The following PCDH9 variants were observed in gnomAD, a reference collection of about 807,000 sequenced individuals.
PCDH9 encodes the protein protocadherin-9.
A neutral mutation model predicts 70.6 loss-of-function variants in PCDH9; 24 were observed. The observed-to-expected ratio is 0.34, with a 90% CI of 0.25 to 0.48. The LOEUF (loss-of-function observed/expected upper bound fraction) is 0.48, where lower values mean the gene tolerates loss of function less well. PCDH9 is among the 20% of genes least tolerant of loss of function. PCDH9 has a pLI of 0.99. For synonymous variants in PCDH9, 562 were observed against 558.5 expected (o/e 1.01, Z -0.09); for missense variants, 1,281 against 1,503.6 (o/e 0.85, Z 2.45).
intron 3 of PCDH9, among the ~76,000 whole-genome samples, chr13:66,808,912 C>A (rs2080453336): frequency 6.6e-6 from 1 of 152,114 alleles, no homozygotes; most frequent in African/African-American, 2.4e-5. Context: ...TGAGAAGCCC[C>A]ACTAAAGGTA....
At chr13:67,078,045 C>G (rs917769913) in intron 2 of PCDH9, among the ~76,000 whole-genome samples, 4 of 152,146 alleles carry the variant, frequency 2.6e-5, no homozygotes. Context: ...TCTACACGTT[C>G]CAGCCAAAGG....
At chr13:66,446,861 G>C (rs905256748) in intron 4 of PCDH9, among the ~76,000 whole-genome samples, 1 of 151,970 alleles carries the variant, frequency 6.6e-6, no homozygotes, top group Admixed American at 6.6e-5. Context: ...CATATAGAAT[G>C]CACTTGTAAA....
chr13:66,965,077 C>T (rs932557834), intron 2 of PCDH9, among the ~76,000 whole-genome samples: 3 of 151,736 alleles, frequency 2.0e-5, no homozygotes, highest in African/African-American at 7.3e-5. Context: ...AATATCCTTA[C>T]ATGAAGAAGA....
intron 3 of PCDH9, among the ~76,000 whole-genome samples, chr13:66,684,420 G>A (rs1465202857): frequency 6.6e-6 from 1 of 152,158 alleles, no homozygotes; most frequent in African/African-American, 2.4e-5. Flanking sequence ...TCATCTTGTA[G>A]TTCCCATAAT....
In PCDH9 at chr13:66,304,497, G is replaced by A. The variant is rs1399288352; in HGVS notation, c.*158C>T. 1.8e-5 allele frequency: 11 copies of A among 619,164 alleles called. No homozygotes were observed. The highest frequency in any genetic ancestry group is 1.5e-4 in the South Asian group (7 of 46,912). 38.4% of individuals were successfully genotyped at this position (619,164 alleles called of 1,614,324 possible). Reference sequence around the variant, plus strand: ...TGGCTAGAACTATCTTCTCTCATATGTTGCAAAAACATTGTATTCTCCATG... The same window carrying A: ...TGGCTAGAACTATCTTCTCTCATATATTGCAAAAACATTGTATTCTCCATG... On this transcript the variant is annotated 3_prime_UTR_variant, in exon 5 of 5. Transcript: ENST00000377865.
intron 4 of PCDH9, among the ~76,000 whole-genome samples, chr13:66,468,898 GGC>G (rs1958564076): frequency 2.0e-5 from 3 of 152,020 alleles, no homozygotes; most frequent in African/African-American, 2.4e-5. Flanking sequence ...GATATAGTCA[GGC>G]TGCACCCAAG....
chr13:66,304,784 A>T lies in PCDH9; in HGVS notation c.3585T>A (p.Arg1195=). ...EDSNRNQFND[R]KQYGSNEGHF... ...GGCCTTCATTGGAGCCATACTGCTT[A>T]CGGTCATTGAACTGGTTCCTGTTGC... The change falls in exon 5 of 5, where the codon CGT becomes CGA. Residue 1195 remains arginine, a synonymous_variant. Transcript: ENST00000377865. 1 of 1,613,526 alleles carries T rather than the reference A, an allele frequency of 6.2e-7. No homozygotes were observed. Among genetic ancestry groups the T allele is most frequent in the Admixed American group, 1.7e-5 (1 of 59,860 alleles).
At chr13:66,968,923 G>A (rs1045916738) in intron 2 of PCDH9, among the ~76,000 whole-genome samples, 1 of 152,010 alleles carries the variant, frequency 6.6e-6, no homozygotes, top group Non-Finnish European at 1.5e-5. Context: ...TAGAATTCCA[G>A]TGGGGACCTT....
At chr13:66,778,580 G>A (rs769791614) in intron 3 of PCDH9, among the ~76,000 whole-genome samples, 5 of 152,270 alleles carry the variant, frequency 3.3e-5, no homozygotes, top group South Asian at 2.1e-4. Context: ...AAGTAATTGC[G>A]AAAGTTTGAA....
chr13:67,088,137 A>G (rs2086146412), intron 2 of PCDH9, among the ~76,000 whole-genome samples: 1 of 151,814 alleles, frequency 6.6e-6, no homozygotes, highest in Non-Finnish European at 1.5e-5. Context: ...TTACTGCCTA[A>G]AGAATAAGAA....
At chr13:67,196,688 C>T (rs747024491) in intron 2 of PCDH9, among the ~76,000 whole-genome samples, 17 of 151,950 alleles carry the variant, frequency 1.1e-4, no homozygotes, top group Non-Finnish European at 2.4e-4. Flanking sequence ...ATGTTTCATT[C>T]GTTGTCCTTT....
chr13:67,054,666 T>C (rs925869932), intron 2 of PCDH9, among the ~76,000 whole-genome samples: 1 of 152,110 alleles, frequency 6.6e-6, no homozygotes, highest in African/African-American at 2.4e-5. Context: ...TATTGAGAAA[T>C]GTGTTGAAAA....
chr13:66,657,601 G>A (rs1344165625), intron 3 of PCDH9, among the ~76,000 whole-genome samples: 1 of 152,208 alleles, frequency 6.6e-6, no homozygotes, highest in African/African-American at 2.4e-5. Context: ...TGGAAATCCA[G>A]TATTGAAGCG....
intron 4 of PCDH9, among the ~76,000 whole-genome samples, chr13:66,499,354 C>T (rs974837585): frequency 1.3e-5 from 2 of 151,980 alleles, no homozygotes; most frequent in African/African-American, 4.8e-5. Context: ...CATACTTGGA[C>T]ATTAATGAAT....
At chr13:66,326,375 G>T (rs2138102812) in intron 4 of PCDH9, among the ~76,000 whole-genome samples, 1 of 147,082 alleles carries the variant, frequency 6.8e-6, no homozygotes, top group African/African-American at 2.5e-5. Flanking sequence ...TCATAGATGT[G>T]TAATGTGTTT....
intron 4 of PCDH9, among the ~76,000 whole-genome samples, chr13:66,336,846 C>G (rs963873775): frequency 1.3e-5 from 2 of 151,932 alleles, no homozygotes; most frequent in African/African-American, 2.4e-5. Flanking sequence ...TCCAAATACT[C>G]TATTTTTAAG....
intron 4 of PCDH9, among the ~76,000 whole-genome samples, chr13:66,558,900 C>G (rs1188118758): frequency 6.6e-6 from 1 of 152,134 alleles, no homozygotes; most frequent in East Asian, 1.9e-4. Context: ...AACTAAAATT[C>G]TGTAAACCAA....
intron 3 of PCDH9, among the ~76,000 whole-genome samples, chr13:66,841,039 T>C (rs2081108517): frequency 6.6e-6 from 1 of 152,192 alleles, no homozygotes; most frequent in South Asian, 2.1e-4. Flanking sequence ...TGTTGCCTCA[T>C]GAGCAGCTTA....
intron 4 of PCDH9, among the ~76,000 whole-genome samples, chr13:66,376,034 A>G (rs114937127): frequency 6.6e-6 from 1 of 152,190 alleles, no homozygotes; most frequent in Non-Finnish European, 1.5e-5. Flanking sequence ...CATGAAGTTA[A>G]ACAATTCAAA....
Sources: gnomAD v4.1 joint callset for allele counts (sites outside exome capture counted in the v4.1 genomes callset) on GRCh38, gnomAD v4.1.1 for gene constraint, MANE v1.5 for transcripts, NCBI Gene and HGNC (gene_info 2026-07-23, HGNC 2026-07-21) for gene names.